PID1: variants seen among roughly 807,000 people sequenced by gnomAD.
PID1 encodes phosphotyrosine interaction domain containing 1.
Under a neutral mutation model 19.1 loss-of-function variants are expected in PID1, and 10 were observed. The ratio of observed to expected loss-of-function variants is 0.52; its 90% CI spans 0.32 to 0.89. The LOEUF (loss-of-function observed/expected upper bound fraction) is 0.89. PID1 is among the 40% of genes least tolerant of loss of function. The pLI is 0.03. For missense variants in PID1, 248 were observed against 285.3 expected (o/e 0.87, Z 0.94); for synonymous variants, 130 against 116.0 (o/e 1.12, Z -0.78).
intron 1 of PID1, among the ~76,000 whole-genome samples, chr2:229,183,482 T>C (rs559163233): frequency 2.5e-4 from 38 of 152,322 alleles, no homozygotes; most frequent in African/African-American, 8.9e-4. Context: ...TTTGAATTGG[T>C]AGACTGAGTA....
At chr2:229,205,947 G>A (rs1220452259) in intron 1 of PID1, among the ~76,000 whole-genome samples, 1 of 152,138 alleles carries the variant, frequency 6.6e-6, no homozygotes, top group Admixed American at 6.6e-5. Flanking sequence ...TAGGAGTGTT[G>A]TTTCGTAGAA....
chr2:229,161,547 T>C (rs780104489), intron 1 of PID1, among the ~76,000 whole-genome samples: 26 of 152,234 alleles, frequency 1.7e-4, no homozygotes, highest in Non-Finnish European at 3.2e-4. Flanking sequence ...AAAGACGTCA[T>C]GAATTTTAAA....
intron 1 of PID1, among the ~76,000 whole-genome samples, chr2:229,201,089 T>G (rs1691489671): frequency 6.6e-6 from 1 of 152,062 alleles, no homozygotes; most frequent in African/African-American, 2.4e-5. Context: ...TAAATCATCT[T>G]CCCTTTTTCT....
chr2:229,175,903 T>G lies in PID1; in HGVS notation c.31-19939A>C, dbSNP rs141155342. Among the ~76,000 whole-genome samples, 610 of 152,276 alleles carry G rather than the reference T, an allele frequency of 4.0e-3. 6 individuals are homozygous for G. The highest frequency in any genetic ancestry group is 0.013 in the African/African-American group (552 of 41,570). ...AAGATTCGCAGTTACTAGAAAAGGTTTTTTTACAGTCCAAATGATCTGTGA... is the reference window on the plus strand; with the variant it reads ...AAGATTCGCAGTTACTAGAAAAGGTGTTTTTACAGTCCAAATGATCTGTGA... On this transcript the variant is annotated intron_variant, in intron 1 of 2. Coordinates refer to ENST00000392055, the MANE Select transcript of PID1 (RefSeq NM_001100818.2).
chr2:229,202,559 G>A lies in PID1; in HGVS notation c.31-46595C>T, dbSNP rs144153214. 6.9e-4 allele frequency among the ~76,000 whole-genome samples: 105 copies of A among 152,100 alleles called. 1 individual carries two copies. Among genetic ancestry groups the A allele is most frequent in the African/African-American group, 2.5e-3 (102 of 41,502 alleles). On this transcript the variant is annotated intron_variant, in intron 1 of 2. Coordinates refer to ENST00000392055, the MANE Select transcript of PID1 (RefSeq NM_001100818.2). ...TGAAAGAGTACTCCAGTTGCCTGAT[G>A]TACTGTTCACAAGATACTTTCAGAT... is the stretch of plus-strand genomic sequence containing the variant.
intron 2 of PID1, among the ~76,000 whole-genome samples, chr2:229,038,436 G>T (rs1162693941): frequency 6.6e-6 from 1 of 152,000 alleles, no homozygotes. Context: ...ATCCTCCAAA[G>T]GTTACATACT....
intron 1 of PID1, among the ~76,000 whole-genome samples, chr2:229,160,289 G>A (rs1690465941): frequency 6.6e-6 from 1 of 152,154 alleles, no homozygotes; most frequent in Non-Finnish European, 1.5e-5. Flanking sequence ...ACTGAAAGGT[G>A]TGGACCAGCA....
intron 2 of PID1, among the ~76,000 whole-genome samples, chr2:229,083,947 T>A (rs756013095): frequency 6.6e-6 from 1 of 152,212 alleles, no homozygotes; most frequent in Non-Finnish European, 1.5e-5. Flanking sequence ...GATTTTTACA[T>A]TCTTTGCGTT....
intron 2 of PID1, among the ~76,000 whole-genome samples, chr2:229,150,247 A>G (rs1386321390): frequency 2.0e-5 from 3 of 147,898 alleles, no homozygotes; most frequent in African/African-American, 5.0e-5. Context: ...AAAAAAAAGG[A>G]GAGAGAGAGA....
intron 2 of PID1, among the ~76,000 whole-genome samples, chr2:229,132,983 T>A (rs1689776380): frequency 6.6e-6 from 1 of 152,006 alleles, no homozygotes; most frequent in African/African-American, 2.4e-5. Flanking sequence ...GTGCTTTAAT[T>A]TTTTTTTAAC....
At chr2:229,225,930 G>A (rs192722299) in intron 1 of PID1, among the ~76,000 whole-genome samples, 8 of 152,288 alleles carry the variant, frequency 5.3e-5, no homozygotes, top group Middle Eastern at 3.4e-3. Context: ...CGTGGGGATC[G>A]TGGGGATTAC....
chr2:229,271,077 G>C lies in PID1; in HGVS notation c.-34C>G. 6.5e-7 allele frequency: 1 copy of C among 1,539,300 alleles called. No individual in the cohort carries two copies. The highest frequency in any genetic ancestry group is 8.8e-7 in the Non-Finnish European group (1 of 1,142,092). ...CCTGGGTTTTGGCAGAGGAGACGCTGGCGAGACTGTCGATCGCGCCGGGGG... is the reference window on the plus strand; with the variant it reads ...CCTGGGTTTTGGCAGAGGAGACGCTCGCGAGACTGTCGATCGCGCCGGGGG... On this transcript the variant is annotated 5_prime_UTR_variant, in exon 1 of 3. Coordinates refer to ENST00000392055, the MANE Select transcript of PID1 (RefSeq NM_001100818.2).
intron 1 of PID1, among the ~76,000 whole-genome samples, chr2:229,228,337 A>T (rs1692127851): frequency 6.6e-6 from 1 of 152,224 alleles, no homozygotes; most frequent in African/African-American, 2.4e-5. Context: ...AAAATCAAAG[A>T]TAATCATTAC....
At chr2:229,232,835 G>T (rs965466503) in intron 1 of PID1, among the ~76,000 whole-genome samples, 4 of 148,706 alleles carry the variant, frequency 2.7e-5, no homozygotes, top group Admixed American at 2.7e-4. Flanking sequence ...TTACATGCAT[G>T]TGTATGTGTG....
In PID1 at chr2:229,257,237, G is replaced by C. The variant is rs191015031; in HGVS notation, c.30+13777C>G. On this transcript the variant is annotated intron_variant, in intron 1 of 2. Coordinates refer to ENST00000392055, the MANE Select transcript of PID1 (RefSeq NM_001100818.2). ...TGATGTCTTGGCTCCAAGTAATAAT[G>C]TATTAGTATCCAACCACTGCATTCC... Among the ~76,000 whole-genome samples the C allele has an allele frequency of 2.0e-5, 3 of 152,272 alleles. No homozygotes were observed. In the East Asian group the frequency reaches 5.8e-4, roughly 29 times the overall value.
Position 229,234,696 on chromosome 2 carries a change from TG to T in PID1, c.30+36317del, listed in dbSNP as rs562381258. On this transcript the variant is annotated intron_variant, in intron 1 of 2. Coordinates refer to ENST00000392055, the MANE Select transcript of PID1 (RefSeq NM_001100818.2). The stretch of plus-strand genomic sequence containing the variant: ...CAAATTTCAGGTATTAGGGTGAGAA[TG>T]GGGGGCCATTTGCCTACTAGAAATA... Among the ~76,000 whole-genome samples the T allele has an allele frequency of 4.1e-3, 629 of 152,206 alleles. 6 individuals carry two copies. Among genetic ancestry groups the T allele is most frequent in the African/African-American group, 0.01 (431 of 41,542 alleles).
At chr2:229,102,006 T>C (rs1034634138) in intron 2 of PID1, among the ~76,000 whole-genome samples, 2 of 152,100 alleles carry the variant, frequency 1.3e-5, no homozygotes, top group South Asian at 4.1e-4. Flanking sequence ...GAAGGGAGAA[T>C]AGTCAGTGTC....
At chr2:229,122,270 T>C (rs989880550) in intron 2 of PID1, among the ~76,000 whole-genome samples, 3 of 152,140 alleles carry the variant, frequency 2.0e-5, no homozygotes, top group African/African-American at 7.2e-5. Flanking sequence ...TCAACAAAAA[T>C]GTATTATGTG....
intron 1 of PID1, among the ~76,000 whole-genome samples, chr2:229,187,083 CATCT>C (rs1691148879): frequency 6.6e-6 from 1 of 152,190 alleles, no homozygotes; most frequent in African/African-American, 2.4e-5. Context: ...TCCTCATCTC[CATCT>C]GAGACCATCT....
Sources: gnomAD v4.1 joint callset for allele counts (sites outside exome capture counted in the v4.1 genomes callset) on GRCh38, gnomAD v4.1.1 for gene constraint, MANE v1.5 for transcripts, NCBI Gene and HGNC (gene_info 2026-07-23, HGNC 2026-07-21) for gene names.